The following ADRA2B variants were observed in gnomAD, a reference collection of about 807,000 sequenced individuals.
ADRA2B encodes the protein alpha-2B adrenergic receptor.
In ADRA2B, 14 loss-of-function variants were observed where a neutral mutation model predicts 14.4. That is an observed-to-expected ratio of 0.97 (90% CI 0.64 to 1.52). The LOEUF is 1.52. Ranked by LOEUF, ADRA2B falls within the 40% of genes most tolerant of loss-of-function variation. The pLI, the probability that ADRA2B is intolerant of heterozygous loss-of-function variation, is 0.00. For missense variants in ADRA2B, 606 were observed against 603.2 expected (o/e 1.00, Z -0.05); for synonymous variants, 250 against 263.7 (o/e 0.95, Z 0.50).
Position 96,115,889 on chromosome 2 carries a change from C to T in ADRA2B, c.261G>A (p.Val87=), listed in dbSNP as rs373152903. The T allele has an allele frequency of 1.2e-6, 2 of 1,613,324 alleles. No homozygotes were observed. The highest frequency in any genetic ancestry group is 1.3e-5 in the African/African-American group (1 of 74,934). The change falls in exon 1 of 1, where the codon GTG becomes GTA. Residue 87 remains valine (V), a synonymous_variant. Coordinates refer to ENST00000620793, the MANE Select transcript of ADRA2B (RefSeq NM_000682.7). ...AGAAGAGCACGTCGAGCGCCAGGTACACCTCGCACCACGTGCGCCGGAAGT... is the reference window on the plus strand; with the variant it reads ...AGAAGAGCACGTCGAGCGCCAGGTATACCTCGCACCACGTGCGCCGGAAGT... The part of the protein sequence containing the change: ...YWYFRRTWCE[V]YLALDVLFCT...
chr2:96,114,341 G>C lies in ADRA2B; in HGVS notation c.*456C>G, dbSNP rs1681814450. On this transcript the variant is annotated 3_prime_UTR_variant, in exon 1 of 1. Transcript: ENST00000620793. The stretch of plus-strand genomic sequence containing the variant: ...TCCCCCTCAGCAGCAGGCCCCACTG[G>C]GAAAAGTGGAAGGCTGGCTCCGTGC... The C allele has an allele frequency of 4.0e-6, 4 of 995,426 alleles. No homozygotes were observed. The highest frequency in any genetic ancestry group is 1.7e-5 in the African/African-American group (1 of 57,310). The allele number at this position is 995,426 out of a possible 1,614,324, so 61.7% of individuals were successfully genotyped here.
In ADRA2B at chr2:96,114,047, G is replaced by A. The variant is rs1381724645; in HGVS notation, c.*750C>T. 1.0e-6 allele frequency: 1 copy of A among 985,764 alleles called. No individual in the cohort carries two copies. The highest frequency in any genetic ancestry group is 1.7e-5 in the African/African-American group (1 of 57,250). The allele number at this position is 985,764 out of a possible 1,614,324, so 61.1% of individuals were successfully genotyped here. On this transcript the variant is annotated 3_prime_UTR_variant, in exon 1 of 1. Coordinates refer to ENST00000620793, the MANE Select transcript of ADRA2B (RefSeq NM_000682.7). ...TGTCGCCCCGATTTTTGCAGGGGGT[G>A]AATGCCAGTGATCGGGGATCTCCCG...
rs889818891 is a variant in ADRA2B, at chr2:96,114,603, G to A, written c.*194C>T. On this transcript the variant is annotated 3_prime_UTR_variant, in exon 1 of 1. Transcript: ENST00000620793. Reference sequence around the variant, plus strand: ...AGAAGGGGTCCCCCACAGCTAAGCCGGCAAGGGGAAGCTTCACTGGGACCC... The same window carrying A: ...AGAAGGGGTCCCCCACAGCTAAGCCAGCAAGGGGAAGCTTCACTGGGACCC... The A allele has an allele frequency of 2.9e-5, 41 of 1,420,436 alleles. No individual in the cohort carries two copies. The highest frequency in any genetic ancestry group is 5.2e-4 in the Middle Eastern group (2 of 3,832). 88.0% of individuals were successfully genotyped at this position (1,420,436 alleles called of 1,614,324 possible).
In ADRA2B at chr2:96,115,890, A is replaced by G. The variant is rs2104753622; in HGVS notation, c.260T>C (p.Val87Ala). The change falls in exon 1 of 1, where the codon GTG (valine) becomes GCG (alanine). Residue 87 changes from valine (V) to alanine (A), a missense_variant. Coordinates refer to ENST00000620793, the MANE Select transcript of ADRA2B (RefSeq NM_000682.7). ...GAAGAGCACGTCGAGCGCCAGGTAC[A>G]CCTCGCACCACGTGCGCCGGAAGTA... ...YWYFRRTWCE[V>A]YLALDVLFCT... 6.2e-7 allele frequency: 1 copy of G among 1,613,438 alleles called. No homozygotes were observed. Among genetic ancestry groups the G allele is most frequent in the Non-Finnish European group, 8.5e-7 (1 of 1,179,738 alleles).
rs527655811 is a variant in ADRA2B, at chr2:96,115,014, A to C, written c.1136T>G (p.Val379Gly). The change falls in exon 1 of 1, where the codon GTT (valine) becomes GGT (glycine). Residue 379 changes from valine to glycine, a missense_variant. Coordinates refer to ENST00000620793, the MANE Select transcript of ADRA2B (RefSeq NM_000682.7). ...GAAGGGGAACCAGCAGAGCACAAAA[A>C]CGCCAATGACCACAGCCAGCACGAA... Reference protein sequence around the residue: ...FTFVLAVVIGVFVLCWFPFFF... With the variant: ...FTFVLAVVIGGFVLCWFPFFF... The C allele has an allele frequency of 6.6e-5, 107 of 1,613,672 alleles. No homozygotes were observed. The African/African-American group carries it at 8.0e-4, about 12-fold the overall frequency.
At position 96,115,186 on chromosome 2, in the gene ADRA2B, C is replaced by G; in HGVS notation, c.964G>C (p.Ala322Pro). ...GGCTGCTGCAGCGGGGGGCTGCAAG[C>G]TGAGGCCGGAGACACTGGCACTGCC... ...PQAVPVSPASACSPPLQQPQG... is the reference protein window; with the variant it reads ...PQAVPVSPASPCSPPLQQPQG... The change falls in exon 1 of 1, where the codon GCT becomes CCT. Residue 322 changes from alanine to proline, a missense_variant. Physicochemically the swap from Ala to Pro is conservative, Grantham distance 27. Transcript: ENST00000620793. 1 of 1,567,400 alleles carries G rather than the reference C, an allele frequency of 6.4e-7. No individual in the cohort carries two copies. The highest frequency in any genetic ancestry group is 8.6e-7 in the Non-Finnish European group (1 of 1,156,630).
chr2:96,115,969 C>T lies in ADRA2B; in HGVS notation c.181G>A (p.Val61Met). 1 of 1,613,780 alleles carries T rather than the reference C, an allele frequency of 6.2e-7. No individual in the cohort carries two copies. The highest frequency in any genetic ancestry group is 8.5e-7 in the Non-Finnish European group (1 of 1,179,934). Residue 61 changes from valine to methionine, a missense_variant, in exon 1 of 1, where the codon GTG becomes ATG. Coordinates refer to ENST00000620793, the MANE Select transcript of ADRA2B (RefSeq NM_000682.7). Reference sequence around the variant, plus strand: ...GAGAAAGGGATGATGAGCGTGGCCACCAGGATGTCGGCGGCGGCCAGCGAC... The same window carrying T: ...GAGAAAGGGATGATGAGCGTGGCCATCAGGATGTCGGCGGCGGCCAGCGAC... ...LVSLAAADIL[V>M]ATLIIPFSLA...
At position 96,114,012 on chromosome 2, in the gene ADRA2B, A is replaced by G. The variant is rs2104750560; in HGVS notation, c.*785T>C. On this transcript the variant is annotated 3_prime_UTR_variant, in exon 1 of 1. Coordinates refer to ENST00000620793, the MANE Select transcript of ADRA2B (RefSeq NM_000682.7). ...TTTCATCTCCCTGCAGCAAGTAGGC[A>G]GTGAGCTATTGTCGCCCCGATTTTT... The G allele has an allele frequency of 2.0e-6, 2 of 985,892 alleles. No homozygotes were observed. The highest frequency in any genetic ancestry group is 2.4e-6 in the Non-Finnish European group (2 of 829,936). The allele number at this position is 985,892 out of a possible 1,614,324, so 61.1% of individuals were successfully genotyped here.
At position 96,115,933 on chromosome 2, in the gene ADRA2B, CG is replaced by C; in HGVS notation, c.216del (p.Asn72LysfsTer43). 6.2e-7 allele frequency: 1 copy of C among 1,613,758 alleles called. No individual in the cohort carries two copies. The highest frequency in any genetic ancestry group is 8.5e-7 in the Non-Finnish European group (1 of 1,179,910). ...ATLIIPFSLA[N>X]ELLGYWYFRR... ...CGGAAGTACCAGTAGCCCAGCAGCTCGTTGGCCAGCGAGAAAGGGATGATGA... is the reference window on the plus strand; with the variant it reads ...CGGAAGTACCAGTAGCCCAGCAGCTCTTGGCCAGCGAGAAAGGGATGATGA... On this transcript the variant is annotated frameshift_variant, in exon 1 of 1. Transcript: ENST00000620793. LOFTEE classifies it low-confidence loss of function (END_TRUNC).
At position 96,115,147 on chromosome 2, in the gene ADRA2B, C is replaced by G; in HGVS notation, c.1003G>C (p.Val335Leu). ...ACCTGGCCACGTAGGGTGGCCAGCA[C>G]CCGGGAGCCCTGTGGCTGCTGCAGC... ...PPLQQPQGSR[V>L]LATLRGQVLL... The change falls in exon 1 of 1, where the codon GTG becomes CTG. Residue 335 changes from valine to leucine, a missense_variant. Transcript: ENST00000620793. The G allele has an allele frequency of 6.3e-7, 1 of 1,590,896 alleles. No homozygotes were observed. Among genetic ancestry groups the G allele is most frequent in the South Asian group, 1.1e-5 (1 of 88,530 alleles).
At position 96,113,058 on chromosome 2, in the gene ADRA2B, C is replaced by T. The variant is rs1213740349; in HGVS notation, c.*1739G>A. Reference sequence around the variant, plus strand: ...CCTGGCCCAGCTCCCCACCACATCCCAGGGCGATACTCTGGCCTCAACAAC... The same window carrying T: ...CCTGGCCCAGCTCCCCACCACATCCTAGGGCGATACTCTGGCCTCAACAAC... On this transcript the variant is annotated 3_prime_UTR_variant, in exon 1 of 1. Coordinates refer to ENST00000620793, the MANE Select transcript of ADRA2B (RefSeq NM_000682.7). 5.0e-6 allele frequency: 2 copies of T among 398,382 alleles called. No individual in the cohort carries two copies. Among genetic ancestry groups the T allele is most frequent in the African/African-American group, 4.1e-5 (2 of 48,582 alleles). 24.7% of individuals were successfully genotyped at this position (398,382 alleles called of 1,614,324 possible).
In ADRA2B at chr2:96,116,126, G is replaced by A. The variant is rs1347428227; in HGVS notation, c.24C>T (p.Ser8=). 1 of 1,611,236 alleles carries A rather than the reference G, an allele frequency of 6.2e-7. No individual in the cohort carries two copies. Among genetic ancestry groups the A allele is most frequent in the Non-Finnish European group, 8.5e-7 (1 of 1,179,148 alleles). The change falls in exon 1 of 1, where the codon TCC becomes TCT. Residue 8 remains serine (S), a synonymous_variant. Transcript: ENST00000620793. ...CCGCTATGGCCGCTGTGGCCTGCAC[G>A]GAGTAGGGGTCCTGGTGGTCCATGA... is the stretch of plus-strand genomic sequence containing the variant. The part of the protein sequence containing the change: MDHQDPY[S]VQATAAIAAA...
Position 96,113,851 on chromosome 2 carries a change from C to G in ADRA2B, c.*946G>C, listed in dbSNP as rs1681801927. ...AGTTCGGGGTAGGAATTCACACACC[C>G]CAGGGACAGAACAAAAGTCTACAGG... On this transcript the variant is annotated 3_prime_UTR_variant, in exon 1 of 1. Transcript: ENST00000620793. 3 of 978,778 alleles carry G rather than the reference C, an allele frequency of 3.1e-6. No homozygotes were observed. The highest frequency in any genetic ancestry group is 3.6e-6 in the Non-Finnish European group (3 of 823,560). 60.6% of individuals were successfully genotyped at this position (978,778 alleles called of 1,614,324 possible). A position where few individuals can be genotyped will look rare whatever the true frequency, so the allele number is the denominator to read the frequency against.
chr2:96,115,132 G>A lies in ADRA2B; in HGVS notation c.1018C>T (p.Arg340Cys), dbSNP rs775022538. The part of the protein sequence containing the change: ...PQGSRVLATL[R>C]GQVLLGRGVG... ...CCCCTGCCCAGGAGCACCTGGCCACGTAGGGTGGCCAGCACCCGGGAGCCC... is the reference window on the plus strand; with the variant it reads ...CCCCTGCCCAGGAGCACCTGGCCACATAGGGTGGCCAGCACCCGGGAGCCC... Residue 340 changes from arginine (R) to cysteine (C), a missense_variant, in exon 1 of 1, where the codon CGT becomes TGT. Transcript: ENST00000620793. 34 of 1,604,028 alleles carry A rather than the reference G, an allele frequency of 2.1e-5. No homozygotes were observed. Among genetic ancestry groups the A allele is most frequent in the South Asian group, 1.6e-4 (14 of 89,914 alleles).
In ADRA2B at chr2:96,115,154, G is replaced by A. The variant is rs367639127; in HGVS notation, c.996C>T (p.Gly332=). The change falls in exon 1 of 1, where the codon GGC becomes GGT. Residue 332 remains glycine, a synonymous_variant. Coordinates refer to ENST00000620793, the MANE Select transcript of ADRA2B (RefSeq NM_000682.7). ...ACSPPLQQPQ[G]SRVLATLRGQ... ...CACGTAGGGTGGCCAGCACCCGGGA[G>A]CCCTGTGGCTGCTGCAGCGGGGGGC... 46 of 1,586,582 alleles carry A rather than the reference G, an allele frequency of 2.9e-5. No individual in the cohort carries two copies. Among genetic ancestry groups the A allele is most frequent in the Non-Finnish European group, 3.9e-5 (46 of 1,166,958 alleles).
At position 96,116,252 on chromosome 2, in the gene ADRA2B, G is replaced by T. The variant is rs1050934361; in HGVS notation, c.-103C>A. 11 of 1,032,870 alleles carry T rather than the reference G, an allele frequency of 1.1e-5. No individual in the cohort carries two copies. In the African/African-American group the frequency reaches 1.8e-4, roughly 17 times the overall value. The allele number at this position is 1,032,870 out of a possible 1,614,324, so 64.0% of individuals were successfully genotyped here. A position where few individuals can be genotyped will look rare whatever the true frequency, so the allele number is the denominator to read the frequency against. ...AGACAAGAGCGTCGCCCCTCGGGCG[G>T]CGCCGAGGGCGCTGGAGCCCCATGG... On this transcript the variant is annotated 5_prime_UTR_variant, in exon 1 of 1. Transcript: ENST00000620793.
rs1681872761 is a variant in ADRA2B, at chr2:96,116,278, C to G, written c.-129G>C. On this transcript the variant is annotated 5_prime_UTR_variant, in exon 1 of 1. Coordinates refer to ENST00000620793, the MANE Select transcript of ADRA2B (RefSeq NM_000682.7). ...CGCCGAGGGCGCTGGAGCCCCATGG[C>G]CTGGACGAGCGGGGCCTAGGAGGTC... is the stretch of plus-strand genomic sequence containing the variant. The G allele has an allele frequency of 1.3e-6, 1 of 796,192 alleles. No individual in the cohort carries two copies. The highest frequency in any genetic ancestry group is 2.5e-5 in the Admixed American group (1 of 40,468). 49.3% of individuals were successfully genotyped at this position (796,192 alleles called of 1,614,324 possible). A position where few individuals can be genotyped will look rare whatever the true frequency, so the allele number is the denominator to read the frequency against.
In ADRA2B at chr2:96,115,806, C is replaced by T; in HGVS notation, c.344G>A (p.Ser115Asn). The T allele has an allele frequency of 6.2e-7, 1 of 1,613,350 alleles. No homozygotes were observed. The highest frequency in any genetic ancestry group is 8.5e-7 in the Non-Finnish European group (1 of 1,179,698). Residue 115 changes from serine to asparagine, a missense_variant, in exon 1 of 1, where the codon AGC (serine) becomes AAC (asparagine). Ser to Asn is a conservative substitution (Grantham distance 46). Transcript: ENST00000620793. ...CTTGGAGTTGTACTCCAGCGCGCGGCTCACGGCCCAGTAGCGGTCCAGGCT... is the reference window on the plus strand; with the variant it reads ...CTTGGAGTTGTACTCCAGCGCGCGGTTCACGGCCCAGTAGCGGTCCAGGCT... Reference protein sequence around the residue: ...AISLDRYWAVSRALEYNSKRT... With the variant: ...AISLDRYWAVNRALEYNSKRT...
Position 96,114,949 on chromosome 2 carries a change from AGT to A in ADRA2B, c.1199_1200del (p.His400LeufsTer143). On this transcript the variant is annotated frameshift_variant, in exon 1 of 1. Coordinates refer to ENST00000620793, the MANE Select transcript of ADRA2B (RefSeq NM_000682.7). LOFTEE classifies it high-confidence loss of function. ...TGGAAGAGGCCATGGGGCACCTTGC[AGT>A]GCTTCGGGCAGATGGCTCCCAGGCT... ...SYSLGAICPK[H>X]CKVPHGLFQF... 1 of 1,613,658 alleles carries A rather than the reference AGT, an allele frequency of 6.2e-7. No individual in the cohort carries two copies. Among genetic ancestry groups the A allele is most frequent in the South Asian group, 1.1e-5 (1 of 91,036 alleles).
Sources: gnomAD v4.1 joint callset for allele counts on GRCh38, gnomAD v4.1.1 for gene constraint, MANE v1.5 for transcripts, NCBI Gene and HGNC (gene_info 2026-07-23, HGNC 2026-07-21) for gene names.